Variants in GSTCD observed in about 807,000 individuals in gnomAD.
The protein encoded by GSTCD is glutathione S-transferase C-terminal domain containing.
GSTCD carries 44 observed loss-of-function variants against 68.3 expected under a neutral mutation model. The observed-to-expected ratio is 0.64, with a 90% CI of 0.51 to 0.83. The LOEUF is 0.83. Among genes scored for constraint, GSTCD ranks in the 40% least tolerant of loss-of-function variants. GSTCD has a pLI of 0.00. For synonymous variants in GSTCD, 273 were observed against 255.2 expected (o/e 1.07, Z -0.67); for missense variants, 739 against 735.9 (o/e 1.00, Z -0.05).
At chr4:105,727,020 T>G (rs1174216920) in intron 4 of GSTCD, among the ~76,000 whole-genome samples, 190 bp downstream of exon 4, 1 of 152,148 alleles carries the variant, frequency 6.6e-6, no homozygotes, top group Non-Finnish European at 1.5e-5. Flanking sequence ...TTGAAAACTT[T>G]TAGTATTATG....
At chr4:105,837,097 C>CT (rs1319794012) in intron 9 of GSTCD, among the ~76,000 whole-genome samples, 1 of 152,028 alleles carries the variant, frequency 6.6e-6, no homozygotes, top group African/African-American at 2.4e-5. Context: ...TTAATCATGC[C>CT]TTTTTAAATT....
intron 5 of GSTCD, among the ~76,000 whole-genome samples, chr4:105,769,531 G>C (rs764338769): frequency 3.3e-5 from 5 of 151,964 alleles, no homozygotes; most frequent in Non-Finnish European, 5.9e-5. Flanking sequence ...TTAGATTATT[G>C]AATGTCTCAT....
chr4:105,757,151 A>G (rs571024178), intron 5 of GSTCD, among the ~76,000 whole-genome samples: 2 of 152,316 alleles, frequency 1.3e-5, no homozygotes, highest in South Asian at 4.1e-4. Context: ...TTCAGTGACC[A>G]TACCTGTTAT....
rs377133053 is a variant in GSTCD at position 105,768,255 on chromosome 4, C to A, written c.1240+38756C>A. On this transcript the variant is annotated intron_variant, in intron 5 of 11. Coordinates refer to ENST00000515279, the MANE Select transcript of GSTCD (RefSeq NM_001370181.1). ...CCATGTTGGCCAGGATGGTCTCGAT[C>A]TCCTGACCTCGTGATCCGCCCGCCT... 2.4e-3 allele frequency among the ~76,000 whole-genome samples: 368 copies of A among 152,176 alleles called. 2 individuals are homozygous for A. Among genetic ancestry groups the A allele is most frequent in the African/African-American group, 8.6e-3 (356 of 41,526 alleles).
At chr4:105,730,046 C>T (rs1447857634) in intron 5 of GSTCD, among the ~76,000 whole-genome samples, 1 of 152,104 alleles carries the variant, frequency 6.6e-6, no homozygotes, top group Admixed American at 6.6e-5. Flanking sequence ...TCCAGCTTCA[C>T]CCATGTCCCT....
chr4:105,755,430 G>A (rs1250055486), intron 5 of GSTCD, among the ~76,000 whole-genome samples: 1 of 152,076 alleles, frequency 6.6e-6, no homozygotes, highest in Non-Finnish European at 1.5e-5. Context: ...TTTACTATCT[G>A]ATCTCCTGCT....
intron 5 of GSTCD, among the ~76,000 whole-genome samples, chr4:105,818,239 G>A (rs961005080): frequency 5.4e-4 from 82 of 151,646 alleles, no homozygotes; most frequent in African/African-American, 1.9e-3. Flanking sequence ...TGTTATTTTG[G>A]GTAGTAACAA....
chr4:105,822,808 A>G (rs996090656), intron 5 of GSTCD, 146 bp from the exon 6 acceptor site: 11 of 532,986 alleles, frequency 2.1e-5, no homozygotes, highest in Admixed American at 7.0e-5. Flanking sequence ...CATGGAATTT[A>G]TCATTTATTA....
intron 5 of GSTCD, among the ~76,000 whole-genome samples, chr4:105,739,387 A>C (rs764746853): frequency 6.6e-6 from 1 of 152,200 alleles, no homozygotes; most frequent in Non-Finnish European, 1.5e-5. Context: ...TGAGTTTTGA[A>C]GAATTCCCTC....
intron 5 of GSTCD, chr4:105,815,442 C>T (rs1722935872): frequency 6.6e-6 from 1 of 151,910 alleles, no homozygotes; most frequent in Non-Finnish European, 1.5e-5. Flanking sequence ...TTAATATTGC[C>T]AAGAATTTAG....
intron 5 of GSTCD, among the ~76,000 whole-genome samples, chr4:105,769,229 GCGCGCACA>G (rs1415413765): frequency 4.7e-4 from 25 of 53,166 alleles, no homozygotes; most frequent in East Asian, 1.9e-3. Flanking sequence ...TACTATACAC[GCGCGCACA>G]CACACACACA....
In GSTCD at chr4:105,784,619, A is replaced by G. The variant is rs146773965; in HGVS notation, c.1241-38335A>G. ...ATCATTAATTACTATAATGTTTGCA[A>G]AATTGTGACTTTCTAGCACCCATAA... On this transcript the variant is annotated intron_variant, in intron 5 of 11. Transcript: ENST00000515279. Among the ~76,000 whole-genome samples the G allele has an allele frequency of 7.2e-5, 11 of 152,316 alleles. No homozygotes were observed. In the East Asian group the frequency reaches 2.1e-3, roughly 29 times the overall value.
chr4:105,808,050 T>A (rs1477172955), intron 5 of GSTCD, among the ~76,000 whole-genome samples: 1 of 152,138 alleles, frequency 6.6e-6, no homozygotes, highest in Non-Finnish European at 1.5e-5. Context: ...ACAAAACTGC[T>A]GTTGTCAAGG....
rs781064841 is a variant in GSTCD, at chr4:105,729,455, C to G, written c.1196C>G (p.Thr399Ser). The G allele has an allele frequency of 1.2e-6, 2 of 1,612,172 alleles. No homozygotes were observed. Among genetic ancestry groups the G allele is most frequent in the Admixed American group, 1.7e-5 (1 of 59,990 alleles). Residue 399 changes from threonine to serine, a missense_variant, in exon 5 of 12, where the codon ACT becomes AGT. Thr to Ser is a moderately conservative substitution (Grantham distance 58). Coordinates refer to ENST00000515279, the MANE Select transcript of GSTCD (RefSeq NM_001370181.1). The stretch of plus-strand genomic sequence containing the variant: ...TCTCCCCACCCTTGCCCTACTTGGA[C>G]TCTTGATTGGAATGTTCTCCCTGCA... ...MFSPHPCPTW[T>S]LDWNVLPAAV...
chr4:105,716,033 T>G (rs988493662), intron 1 of GSTCD, among the ~76,000 whole-genome samples: 4 of 152,178 alleles, frequency 2.6e-5, no homozygotes, highest in African/African-American at 9.6e-5. Context: ...AGACTGTGTG[T>G]GTTTGCACCT....
At chr4:105,774,956 A>G (rs1392570702) in intron 5 of GSTCD, among the ~76,000 whole-genome samples, 3 of 152,068 alleles carry the variant, frequency 2.0e-5, no homozygotes, top group Non-Finnish European at 1.5e-5. Flanking sequence ...GTGTTTTTCA[A>G]CTAGGTTCCA....
intron 5 of GSTCD, among the ~76,000 whole-genome samples, chr4:105,739,665 G>A (rs1439409448): frequency 6.6e-6 from 1 of 152,172 alleles, no homozygotes; most frequent in Admixed American, 6.5e-5. Context: ...AGACACAGAG[G>A]GGTATGACTG....
chr4:105,709,564 A>AATTTGC (rs1309792169), intron 1 of GSTCD, among the ~76,000 whole-genome samples: 3 of 152,176 alleles, frequency 2.0e-5, no homozygotes, highest in Non-Finnish European at 2.9e-5. Flanking sequence ...TAGAAAGTTT[A>AATTTGC]ATTTGCATGA....
intron 5 of GSTCD, among the ~76,000 whole-genome samples, chr4:105,769,989 G>T (rs1336946104): frequency 6.6e-6 from 1 of 152,066 alleles, no homozygotes; most frequent in Non-Finnish European, 1.5e-5. Context: ...CAATTCCTGA[G>T]TTTAAGCAAT....
Sources: gnomAD v4.1 joint callset for allele counts (sites outside exome capture counted in the v4.1 genomes callset) on GRCh38, gnomAD v4.1.1 for gene constraint, MANE v1.5 for transcripts, NCBI Gene and HGNC (gene_info 2026-07-23, HGNC 2026-07-21) for gene names.